The following ALMS1 variants were observed in gnomAD, a reference collection of about 807,000 sequenced individuals.
ALMS1 encodes the protein ALMS1 centrosome and basal body associated protein.
A neutral mutation model predicts 352.2 loss-of-function variants in ALMS1; 271 were observed. The observed-to-expected ratio is 0.77, with a 90% CI of 0.70 to 0.85. ALMS1 has a LOEUF of 0.85. Among genes scored for constraint, ALMS1 ranks in the 40% least tolerant of loss-of-function variants. ALMS1 has a pLI of 0.00. For missense variants in ALMS1, 5,445 were observed against 4,870.7 expected (o/e 1.12, Z -3.51); for synonymous variants, 1,865 against 1,761.2 (o/e 1.06, Z -1.48).
intron 22 of ALMS1, 97 bp downstream of exon 22, chr2:73,608,671 G>A (rs980522872): frequency 3.1e-5 from 30 of 954,674 alleles, no homozygotes; most frequent in Non-Finnish European, 4.8e-5. Flanking sequence ...AAGTCAGAAT[G>A]AACCGCATTT....
intron 8 of ALMS1, chr2:73,454,343 A>G (rs1354468056): frequency 2.0e-6 from 2 of 985,206 alleles, no homozygotes; most frequent in African/African-American, 3.5e-5. Context: ...TGTTCTTAGG[A>G]GAAGTAGATT....
intron 2 of ALMS1, among the ~76,000 whole-genome samples, chr2:73,414,296 G>A (rs541514012): frequency 1.3e-5 from 2 of 151,978 alleles, no homozygotes; most frequent in South Asian, 2.1e-4. Context: ...CATTATAAGT[G>A]TATAGAAATA....
At chr2:73,560,856 G>A (rs1477764263) in intron 15 of ALMS1, among the ~76,000 whole-genome samples, 2 of 152,182 alleles carry the variant, frequency 1.3e-5, no homozygotes, top group South Asian at 2.1e-4. Flanking sequence ...CAAATGTTGA[G>A]GGATTTAGGA....
At position 73,601,184 on chromosome 2, in the gene ALMS1, G is replaced by T. The variant is rs571456553; in HGVS notation, c.11873-11G>T. On this transcript the variant is annotated splice_polypyrimidine_tract_variant and intron_variant, in intron 18 of 22. Coordinates refer to ENST00000613296, the MANE Select transcript of ALMS1 (RefSeq NM_001378454.1). Reference sequence around the variant, plus strand: ...AAAATCTGTGTTCCTTCTAAAAACTGTTTCCTGTAGGAGTTTCCTGGTTTG... The same window carrying T: ...AAAATCTGTGTTCCTTCTAAAAACTTTTTCCTGTAGGAGTTTCCTGGTTTG... The T allele has an allele frequency of 3.1e-6, 5 of 1,614,042 alleles. No individual in the cohort carries two copies. The highest frequency in any genetic ancestry group is 4.2e-6 in the Non-Finnish European group (5 of 1,180,006).
At chr2:73,406,603 A>G (rs888033405) in intron 1 of ALMS1, among the ~76,000 whole-genome samples, 1 of 152,018 alleles carries the variant, frequency 6.6e-6, no homozygotes, top group Non-Finnish European at 1.5e-5. Flanking sequence ...TTACCATGAG[A>G]ATATCATAAA....
chr2:73,606,906 C>G (rs1675828885), intron 21 of ALMS1, among the ~76,000 whole-genome samples: 2 of 152,184 alleles, frequency 1.3e-5, no homozygotes, highest in South Asian at 4.1e-4. Context: ...GAGGAAAGAA[C>G]ATAGCTCTTT....
chr2:73,480,134 G>C (rs1672664453), intron 9 of ALMS1, among the ~76,000 whole-genome samples: 1 of 151,658 alleles, frequency 6.6e-6, no homozygotes, highest in South Asian at 2.1e-4. Context: ...GTGCAGGTTA[G>C]TTACATATGT....
chr2:73,466,968 A>G (rs1417637533), intron 9 of ALMS1, among the ~76,000 whole-genome samples: 1 of 152,148 alleles, frequency 6.6e-6, no homozygotes, highest in Non-Finnish European at 1.5e-5. Flanking sequence ...TAATTTCTAT[A>G]ATAACCCTGT....
At chr2:73,541,684 A>G (rs1674186077) in intron 12 of ALMS1, among the ~76,000 whole-genome samples, 1 of 152,178 alleles carries the variant, frequency 6.6e-6, no homozygotes, top group Admixed American at 6.5e-5. Context: ...GATAAAGGGG[A>G]TATCACCACC....
At chr2:73,455,562 C>T (rs1672042862) in intron 9 of ALMS1, among the ~76,000 whole-genome samples, 1 of 152,154 alleles carries the variant, frequency 6.6e-6, no homozygotes, top group South Asian at 2.1e-4. Context: ...TACCGCCCTG[C>T]TCGGCTAATT....
chr2:73,525,570 G>C (rs1014059245), intron 11 of ALMS1, among the ~76,000 whole-genome samples: 4 of 151,978 alleles, frequency 2.6e-5, no homozygotes, highest in Non-Finnish European at 5.9e-5. Context: ...CCATTTATAT[G>C]TCTTCTTTTG....
At position 73,513,188 on chromosome 2, in the gene ALMS1, C is replaced by T. The variant is rs192704657; in HGVS notation, c.9540-6587C>T. Among the ~76,000 whole-genome samples, 47 of 152,248 alleles carry T rather than the reference C, an allele frequency of 3.1e-4. No individual in the cohort carries two copies. The East Asian group carries it at 5.0e-3, about 16-fold the overall frequency. On this transcript the variant is annotated intron_variant, in intron 10 of 22. Coordinates refer to ENST00000613296, the MANE Select transcript of ALMS1 (RefSeq NM_001378454.1). ...TGTCTCCTTGGGTGGATGCTCTTTT[C>T]ACCCTGCTTGGGCTTTGGCATTCCA...
Position 73,450,865 on chromosome 2 carries a change from T to G in ALMS1, c.4338T>G (p.Ser1446Arg), listed in dbSNP as rs546049433. 1 of 1,614,102 alleles carries G rather than the reference T, an allele frequency of 6.2e-7. No homozygotes were observed. Among genetic ancestry groups the G allele is most frequent in the Admixed American group, 1.7e-5 (1 of 60,014 alleles). ...TCTACCAACAGGTCTTGCCACATAG[T>G]CATCTACCTGAAGAGGCTTTGGAAG... The part of the protein sequence containing the change: ...GSFYQQVLPH[S>R]HLPEEALEVS... Residue 1446 changes from serine (S) to arginine (R), a missense_variant, in exon 8 of 23, where the codon AGT becomes AGG. By Grantham distance (110) the Ser-to-Arg change is moderately radical. Transcript: ENST00000613296.
intron 13 of ALMS1, among the ~76,000 whole-genome samples, chr2:73,554,363 G>A (rs1472353975): frequency 1.3e-5 from 2 of 152,006 alleles, no homozygotes; most frequent in Non-Finnish European, 2.9e-5. Flanking sequence ...TTACAGGAAT[G>A]TGTAGGTAAA....
At chr2:73,579,506 G>T (rs988924220) in intron 16 of ALMS1, among the ~76,000 whole-genome samples, 2 of 151,322 alleles carry the variant, frequency 1.3e-5, no homozygotes, top group Non-Finnish European at 2.9e-5. Context: ...GATTACAGGT[G>T]CACACCACCA....
chr2:73,492,806 T>G lies in ALMS1; in HGVS notation c.9539+1308T>G, dbSNP rs192184696. On this transcript the variant is annotated intron_variant, in intron 10 of 22. Transcript: ENST00000613296. ...TCACCCAGGCCAGAGTACAGTGATG[T>G]GATCTTGGTTCACTGAAACCTCCGC... 1.1e-3 allele frequency among the ~76,000 whole-genome samples: 160 copies of G among 152,254 alleles called. 2 individuals carry two copies. The highest frequency in any genetic ancestry group is 4.4e-5 in the Non-Finnish European group (3 of 68,012).
chr2:73,449,912 C>G lies in ALMS1; in HGVS notation c.3385C>G (p.Leu1129Val). The G allele has an allele frequency of 6.2e-7, 1 of 1,613,920 alleles. No homozygotes were observed. The highest frequency in any genetic ancestry group is 1.1e-5 in the South Asian group (1 of 91,060). The change falls in exon 8 of 23, where the codon CTA becomes GTA. Residue 1129 changes from leucine (L) to valine (V), a missense_variant. Transcript: ENST00000613296. ...TCTGAAAATTTCAGTAGCTCCTGGA[C>G]TAGCAGACCAGAAGACTGGCACACC... is the stretch of plus-strand genomic sequence containing the variant. ...EALKISVAPG[L>V]ADQKTGTPTV...
Position 73,464,256 on chromosome 2 carries a change from T to A in ALMS1, c.7674+8961T>A, listed in dbSNP as rs1462120289. The stretch of plus-strand genomic sequence containing the variant: ...AAAAAGCTTATCCACCATGATCAAG[T>A]GGGCTTCATCCCTGGGATGCAAGGC... On this transcript the variant is annotated intron_variant, in intron 9 of 22. Coordinates refer to ENST00000613296, the MANE Select transcript of ALMS1 (RefSeq NM_001378454.1). Among the ~76,000 whole-genome samples the A allele has an allele frequency of 2.6e-5, 4 of 152,318 alleles. No homozygotes were observed. The East Asian group carries it at 7.7e-4, about 29-fold the overall frequency.
intron 9 of ALMS1, among the ~76,000 whole-genome samples, chr2:73,461,090 G>C (rs150916491): frequency 0.013 from 2,009 of 152,340 alleles, 47 homozygotes; most frequent in African/African-American, 0.046. Flanking sequence ...GAAGAGAGTA[G>C]TGGTTCTCCC....
Sources: gnomAD v4.1 joint callset for allele counts (sites outside exome capture counted in the v4.1 genomes callset) on GRCh38, gnomAD v4.1.1 for gene constraint, MANE v1.5 for transcripts, NCBI Gene and HGNC (gene_info 2026-07-23, HGNC 2026-07-21) for gene names.